The following NSL1 variants were observed in gnomAD, a reference collection of about 807,000 sequenced individuals.
NSL1 encodes NSL1 component of MIS12 kinetochore complex, also known as kinetochore-associated protein NSL1 homolog.
A neutral mutation model predicts 25.4 loss-of-function variants in NSL1; 11 were observed. The observed-to-expected ratio is 0.43, with a 90% confidence interval of 0.27 to 0.72. The LOEUF is 0.72. Ranked by LOEUF, NSL1 falls within the 30% of genes least tolerant of loss-of-function variation. The pLI, the probability that NSL1 is intolerant of heterozygous loss-of-function variation, is 0.19. For synonymous variants in NSL1, 118 were observed against 120.6 expected, an observed-to-expected ratio of 0.98 and a Z score of 0.14; for missense variants, 330 against 342.7, an observed-to-expected ratio of 0.96 and a Z score of 0.29.
rs975132454 is a variant in NSL1, at chr1:212,782,700, T to C, written c.445-274A>G. ...AAAGCAATCAAGCAAATTAAAAGCATAGAAACTGAATTTTATGTTTAAAGT... is the reference window on the plus strand; with the variant it reads ...AAAGCAATCAAGCAAATTAAAAGCACAGAAACTGAATTTTATGTTTAAAGT... On this transcript the variant is annotated intron_variant, in intron 3 of 5. Coordinates refer to ENST00000366977, the MANE Select transcript of NSL1 (RefSeq NM_015471.4). 3.3e-5 allele frequency among the ~76,000 whole-genome samples: 5 copies of C among 152,180 alleles called. No homozygotes were observed. The East Asian group carries it at 7.7e-4, about 23-fold the overall frequency.
intron 1 of NSL1, among the ~76,000 whole-genome samples, chr1:212,791,292 A>G (rs919763440): frequency 2.0e-5 from 3 of 152,248 alleles, no homozygotes; most frequent in Admixed American, 1.3e-4. Context: ...GTTTAAAACT[A>G]CATAAAGATT....
chr1:212,791,773 G>A lies in NSL1; in HGVS notation c.-10C>T, dbSNP rs772747687. On this transcript the variant is annotated 5_prime_UTR_variant, in exon 1 of 6. Coordinates refer to ENST00000366977, the MANE Select transcript of NSL1 (RefSeq NM_015471.4). ...CAGGAGACCCCGCCATTTTTCGTCGGAACTGTGGGCGGGGCACTCTGGGAG... is the reference window on the plus strand; with the variant it reads ...CAGGAGACCCCGCCATTTTTCGTCGAAACTGTGGGCGGGGCACTCTGGGAG... 10 of 1,601,282 alleles carry A rather than the reference G, an allele frequency of 6.2e-6. No individual in the cohort carries two copies. Among genetic ancestry groups the A allele is most frequent in the Middle Eastern group, 1.7e-4 (1 of 5,936 alleles).
intron 4 of NSL1, among the ~76,000 whole-genome samples, chr1:212,779,445 C>T: frequency 7.3e-6 from 1 of 136,142 alleles, no homozygotes; most frequent in African/African-American, 2.8e-5. Context: ...CTCTGCCCGG[C>T]CGCCCCTACT....
rs1658220854 is a variant in NSL1, at chr1:212,736,069, ACT to A, written c.*2337_*2338del. ...TATTATTATTTTGAAACAGGGTCTC[ACT>A]CTGTCACCCAGGCTGGAGTACAGTG... On this transcript the variant is annotated 3_prime_UTR_variant, in exon 6 of 6. Coordinates refer to ENST00000366977, the MANE Select transcript of NSL1 (RefSeq NM_015471.4). 1.4e-5 allele frequency: 14 copies of A among 982,926 alleles called. No homozygotes were observed. The highest frequency in any genetic ancestry group is 1.4e-5 in the Non-Finnish European group (12 of 827,884). The allele number at this position is 982,926 out of a possible 1,614,324, so 60.9% of individuals were successfully genotyped here. A position where few individuals can be genotyped will look rare whatever the true frequency, so the allele number is the denominator to read the frequency against.
Position 212,735,669 on chromosome 1 carries a change from G to T in NSL1, c.*2739C>A. 2.6e-6 allele frequency: 1 copy of T among 379,792 alleles called. No homozygotes were observed. Among genetic ancestry groups the T allele is most frequent in the Non-Finnish European group, 3.6e-6 (1 of 276,664 alleles). 23.5% of individuals were successfully genotyped at this position (379,792 alleles called of 1,614,324 possible). On this transcript the variant is annotated 3_prime_UTR_variant, in exon 6 of 6. Transcript: ENST00000366977. The stretch of plus-strand genomic sequence containing the variant: ...TAAGGAAATAATTAAGGTTAAATGA[G>T]GCCATAAGGGTGGGGCTCTGATCTG...
Position 212,729,465 on chromosome 1 carries a change from G to A in NSL1, c.*8943C>T. On this transcript the variant is annotated 3_prime_UTR_variant, in exon 6 of 6. Transcript: ENST00000366977. Reference sequence around the variant, plus strand: ...AAAAATCATTTTACAATATTGTCTGGCACATGGCTGGGAAAGATCCTGAGG... The same window carrying A: ...AAAAATCATTTTACAATATTGTCTGACACATGGCTGGGAAAGATCCTGAGG... 1.0e-6 allele frequency: 1 copy of A among 985,352 alleles called. No homozygotes were observed. Among genetic ancestry groups the A allele is most frequent in the South Asian group, 4.7e-5 (1 of 21,282 alleles). 61.0% of individuals were successfully genotyped at this position (985,352 alleles called of 1,614,324 possible). A position where few individuals can be genotyped will look rare whatever the true frequency, so the allele number is the denominator to read the frequency against.
rs1367161932 is a variant in NSL1, at chr1:212,728,874, G to C, written c.*9534C>G. The C allele has an allele frequency of 3.0e-6, 3 of 985,392 alleles. No homozygotes were observed. Among genetic ancestry groups the C allele is most frequent in the African/African-American group, 1.7e-5 (1 of 57,354 alleles). The allele number at this position is 985,392 out of a possible 1,614,324, so 61.0% of individuals were successfully genotyped here. On this transcript the variant is annotated 3_prime_UTR_variant, in exon 6 of 6. Transcript: ENST00000366977. ...CAGGAGGGCAAGACTGGGAGTGCTG[G>C]GGGTGGGGAGGCCAGAGTCCACCAC...
At chr1:212,776,432 T>C (rs1571910009) in intron 4 of NSL1, among the ~76,000 whole-genome samples, 1 of 151,904 alleles carries the variant, frequency 6.6e-6, no homozygotes, top group Non-Finnish European at 1.5e-5. Context: ...CTTGCACCTA[T>C]AGTCCCAGCT....
intron 4 of NSL1, among the ~76,000 whole-genome samples, chr1:212,770,617 T>C (rs887832980): frequency 6.6e-6 from 1 of 152,164 alleles, no homozygotes; most frequent in Non-Finnish European, 1.5e-5. Context: ...ACCAAACTTA[T>C]AAAGAAGAAT....
In NSL1 at chr1:212,731,552, T is replaced by A; in HGVS notation, c.*6856A>T. ...CTTAATTACTATATGCATTTAATTT[T>A]AAAAATCAAATCTATGAGGCTTCTA... On this transcript the variant is annotated 3_prime_UTR_variant, in exon 6 of 6. Transcript: ENST00000366977. 1.0e-6 allele frequency: 1 copy of A among 985,392 alleles called. No homozygotes were observed. Among genetic ancestry groups the A allele is most frequent in the South Asian group, 4.7e-5 (1 of 21,280 alleles). 61.0% of individuals were successfully genotyped at this position (985,392 alleles called of 1,614,324 possible).
intron 4 of NSL1, among the ~76,000 whole-genome samples, chr1:212,756,827 A>G (rs1429409251): frequency 1.3e-5 from 2 of 152,200 alleles, no homozygotes; most frequent in African/African-American, 4.8e-5. Context: ...CTCAAAAAAA[A>G]GAAAAGAAAA....
rs1197940322 is a variant in NSL1 at position 212,730,160 on chromosome 1, G to A, written c.*8248C>T. 2 of 886,316 alleles carry A rather than the reference G, an allele frequency of 2.3e-6. No homozygotes were observed. The highest frequency in any genetic ancestry group is 2.7e-6 in the Non-Finnish European group (2 of 754,698). 54.9% of individuals were successfully genotyped at this position (886,316 alleles called of 1,614,324 possible). A position where few individuals can be genotyped will look rare whatever the true frequency, so the allele number is the denominator to read the frequency against. On this transcript the variant is annotated 3_prime_UTR_variant, in exon 6 of 6. Coordinates refer to ENST00000366977, the MANE Select transcript of NSL1 (RefSeq NM_015471.4). ...AGCTACTCGGGAGGCTAAGGCATGA[G>A]AACCTCTTGAACCTGGGAGGTGGAG...
intron 4 of NSL1, among the ~76,000 whole-genome samples, chr1:212,739,820 T>C (rs2102429304): frequency 6.6e-6 from 1 of 152,234 alleles, no homozygotes; most frequent in Middle Eastern, 3.4e-3. Flanking sequence ...CTATTACGAG[T>C]AGTCATAACA....
At chr1:212,743,749 C>A (rs867218777) in intron 4 of NSL1, among the ~76,000 whole-genome samples, 21 of 152,164 alleles carry the variant, frequency 1.4e-4, no homozygotes, top group African/African-American at 4.8e-4. Context: ...AGGGTTTTCA[C>A]CAATCAACAG....
In NSL1 at chr1:212,761,774, CAA is replaced by C. The variant is rs1323775331; in HGVS notation, c.499+20596_499+20597del. ...TTCATGATCTGAATGAGAAATTTAA[CAA>C]AGAGATATCATTTTAAAAAATCAAA... On this transcript the variant is annotated intron_variant, in intron 4 of 5. Transcript: ENST00000366977. Among the ~76,000 whole-genome samples, 3 of 151,964 alleles carry C rather than the reference CAA, an allele frequency of 2.0e-5. 1 individual carries two copies. Among genetic ancestry groups the C allele is most frequent in the South Asian group, 4.2e-4 (2 of 4,810 alleles).
At chr1:212,744,260 C>G (rs1169450150) in intron 4 of NSL1, among the ~76,000 whole-genome samples, 1 of 152,188 alleles carries the variant, frequency 6.6e-6, no homozygotes, top group Non-Finnish European at 1.5e-5. Context: ...TGACAAATCA[C>G]TAGCTGACCA....
chr1:212,730,806 T>C lies in NSL1; in HGVS notation c.*7602A>G, dbSNP rs1273825300. On this transcript the variant is annotated 3_prime_UTR_variant, in exon 6 of 6. Transcript: ENST00000366977. ...AATTCAGGTCAGTTTCCCAGTGATC[T>C]GTCCTCAGTTTTTTACCTCTCCCCT... The C allele has an allele frequency of 2.0e-6, 2 of 985,426 alleles. No individual in the cohort carries two copies. Among genetic ancestry groups the C allele is most frequent in the African/African-American group, 3.5e-5 (2 of 57,358 alleles). The allele number at this position is 985,426 out of a possible 1,614,324, so 61.0% of individuals were successfully genotyped here. A position where few individuals can be genotyped will look rare whatever the true frequency, so the allele number is the denominator to read the frequency against.
At chr1:212,768,911 A>C (rs1431568128) in intron 4 of NSL1, among the ~76,000 whole-genome samples, 2 of 152,044 alleles carry the variant, frequency 1.3e-5, no homozygotes, top group Non-Finnish European at 2.9e-5. Flanking sequence ...TAGCAGAATA[A>C]AGAATTTCAG....
chr1:212,751,388 T>G (rs1302850814), intron 4 of NSL1, among the ~76,000 whole-genome samples: 1 of 152,192 alleles, frequency 6.6e-6, no homozygotes, highest in African/African-American at 2.4e-5. Context: ...GAAATGTATC[T>G]AGACTTGAAT....
Sources: gnomAD v4.1 joint callset for allele counts (sites outside exome capture counted in the v4.1 genomes callset) on GRCh38, gnomAD v4.1.1 for gene constraint, MANE v1.5 for transcripts, NCBI Gene and HGNC (gene_info 2026-07-23, HGNC 2026-07-21) for gene names.